Variants in STK38L observed in about 807,000 individuals in gnomAD.
STK38L encodes serine/threonine-protein kinase 38-like.
In STK38L, 28 loss-of-function variants were observed where a neutral mutation model predicts 59.7. That is an observed-to-expected ratio of 0.47 (90% confidence interval 0.35 to 0.64). The LOEUF is 0.64. Among genes scored for constraint, STK38L ranks in the 30% least tolerant of loss-of-function variants. The pLI is 0.01. For missense variants in STK38L, 314 were observed against 555.8 expected (o/e 0.56, Z 4.37); for synonymous variants, 162 against 176.8 (o/e 0.92, Z 0.66).
In STK38L at chr12:27,304,882, C is replaced by A. The variant is rs1234317518; in HGVS notation, c.186+2694C>A. Among the ~76,000 whole-genome samples the A allele has an allele frequency of 2.7e-5, 4 of 150,132 alleles. No homozygotes were observed. The South Asian group carries it at 8.5e-4, about 32-fold the overall frequency. On this transcript the variant is annotated intron_variant, in intron 3 of 13. Transcript: ENST00000389032. ...AGATATACTTTGTTTACATATTCAA[C>A]TTATATGATTTTTTTTTTGCTTCCA...
intron 1 of STK38L, among the ~76,000 whole-genome samples, chr12:27,261,927 T>C (rs1943210976): frequency 6.6e-6 from 1 of 152,240 alleles, no homozygotes; most frequent in Non-Finnish European, 1.5e-5. Flanking sequence ...ATACAGTATA[T>C]ATGGCATACA....
In STK38L at chr12:27,308,090, T is replaced by TTA. The variant is rs1266746975; in HGVS notation, c.187-246_187-245dup. 1.3e-5 allele frequency among the ~76,000 whole-genome samples: 1 copy of TTA among 77,580 alleles called. No homozygotes were observed. Among genetic ancestry groups the TTA allele is most frequent in the Non-Finnish European group, 2.5e-5 (1 of 40,336 alleles). The allele number at this position is 77,580 out of a possible 152,430, so 50.9% of individuals were successfully genotyped here. A position where few individuals can be genotyped will look rare whatever the true frequency, so the allele number is the denominator to read the frequency against. Reference sequence around the variant, plus strand: ...GTTACCATATAGATGAAAGAATAAGTTATACATATATATATATATAGACAA... The same window carrying TTA: ...GTTACCATATAGATGAAAGAATAAGTTATATACATATATATATATATAGACAA... On this transcript the variant is annotated intron_variant, in intron 3 of 13. Coordinates refer to ENST00000389032, the MANE Select transcript of STK38L (RefSeq NM_015000.4). The surrounding 1 kb of genome is among the most constrained non-coding windows in gnomAD (Gnocchi z 4.5).
In STK38L at chr12:27,325,795, ATC is replaced by A. The variant is rs1169634129; in HGVS notation, c.*3343_*3344del. The A allele has an allele frequency of 1.3e-5, 2 of 152,192 alleles. No individual in the cohort carries two copies. The highest frequency in any genetic ancestry group is 6.5e-5 in the Admixed American group (1 of 15,278). 9.4% of individuals were successfully genotyped at this position (152,192 alleles called of 1,614,324 possible). A position where few individuals can be genotyped will look rare whatever the true frequency, so the allele number is the denominator to read the frequency against. On this transcript the variant is annotated 3_prime_UTR_variant, in exon 14 of 14. Coordinates refer to ENST00000389032, the MANE Select transcript of STK38L (RefSeq NM_015000.4). ...AAAAGGAATAAAGTAATAAAAATAT[ATC>A]TCAGCTATTTTTTTAAAGCAATATA...
intron 1 of STK38L, among the ~76,000 whole-genome samples, chr12:27,269,770 G>A (rs1943380293): frequency 6.6e-6 from 1 of 152,122 alleles, no homozygotes; most frequent in Non-Finnish European, 1.5e-5. Flanking sequence ...AGCTTCCCGA[G>A]TAGCTGGGAT....
intron 1 of STK38L, among the ~76,000 whole-genome samples, chr12:27,249,325 T>C (rs1446398006): frequency 6.6e-6 from 1 of 151,928 alleles, no homozygotes; most frequent in African/African-American, 2.4e-5. Flanking sequence ...TCTACTATGC[T>C]TAGCTTTTAT....
intron 1 of STK38L, among the ~76,000 whole-genome samples, chr12:27,296,738 T>C (rs956231460): frequency 2.0e-5 from 3 of 152,230 alleles, no homozygotes; most frequent in Non-Finnish European, 4.4e-5. Flanking sequence ...CTTCTAGTCT[T>C]TTTATCCAGA....
intron 5 of STK38L, among the ~76,000 whole-genome samples, chr12:27,311,781 C>T (rs1447118951): frequency 5.4e-5 from 8 of 148,802 alleles, no homozygotes; most frequent in African/African-American, 1.9e-4. Flanking sequence ...CTTTAAAAAA[C>T]ACCAAATAAT....
chr12:27,308,324 GTTTT>G lies in STK38L; in HGVS notation c.187-9_187-6del, dbSNP rs768230650. On this transcript the variant is annotated splice_polypyrimidine_tract_variant and intron_variant, in intron 3 of 13. Transcript: ENST00000389032. The surrounding 1 kb of genome is among the most constrained non-coding windows in gnomAD (Gnocchi z 4.5). ...AATTATAAAATCATCCGTTTAAATTGTTTTTTTTTAATAGAAAAAGTTACGTCGA... is the reference window on the plus strand; with the variant it reads ...AATTATAAAATCATCCGTTTAAATTGTTTTTAATAGAAAAAGTTACGTCGA... The G allele has an allele frequency of 6.7e-7, 1 of 1,502,600 alleles. No individual in the cohort carries two copies. Among genetic ancestry groups the G allele is most frequent in the East Asian group, 2.4e-5 (1 of 41,326 alleles). 93.1% of individuals were successfully genotyped at this position (1,502,600 alleles called of 1,614,324 possible).
At chr12:27,248,678 A>AT (rs971350215) in intron 1 of STK38L, among the ~76,000 whole-genome samples, 4 of 152,146 alleles carry the variant, frequency 2.6e-5, no homozygotes, top group Admixed American at 6.5e-5. Flanking sequence ...GTGAACGAAT[A>AT]TAAGTATTCT....
At chr12:27,264,833 G>A (rs1943270428) in intron 1 of STK38L, among the ~76,000 whole-genome samples, 1 of 152,194 alleles carries the variant, frequency 6.6e-6, no homozygotes, top group African/African-American at 2.4e-5. Flanking sequence ...AAGGATGACT[G>A]TATGAGTTAT....
At position 27,322,683 on chromosome 12, in the gene STK38L, T is replaced by G. The variant is rs1944759838; in HGVS notation, c.*228T>G. The G allele has an allele frequency of 2.5e-6, 1 of 399,880 alleles. No individual in the cohort carries two copies. Among genetic ancestry groups the G allele is most frequent in the East Asian group, 4.6e-5 (1 of 21,690 alleles). The allele number at this position is 399,880 out of a possible 1,614,324, so 24.8% of individuals were successfully genotyped here. A position where few individuals can be genotyped will look rare whatever the true frequency, so the allele number is the denominator to read the frequency against. Reference sequence around the variant, plus strand: ...TATTATTTTTGTTAACTTTATTATATGAAGGTACTGGAATAAAAGGAACAG... The same window carrying G: ...TATTATTTTTGTTAACTTTATTATAGGAAGGTACTGGAATAAAAGGAACAG... On this transcript the variant is annotated 3_prime_UTR_variant, in exon 14 of 14. Coordinates refer to ENST00000389032, the MANE Select transcript of STK38L (RefSeq NM_015000.4).
Position 27,244,897 on chromosome 12 carries a change from A to T in STK38L, c.-12+565A>T, listed in dbSNP as rs1942816728. 3.3e-5 allele frequency among the ~76,000 whole-genome samples: 5 copies of T among 152,042 alleles called. No homozygotes were observed. The South Asian group carries it at 8.3e-4, about 25-fold the overall frequency. On this transcript the variant is annotated intron_variant, in intron 1 of 13. Coordinates refer to ENST00000389032, the MANE Select transcript of STK38L (RefSeq NM_015000.4). ...TCTTAGAATCTGTCTTTACCATTGC[A>T]CCCGTAGCCCCTTCCTTTCAAAATC...
intron 1 of STK38L, among the ~76,000 whole-genome samples, chr12:27,285,195 G>T (rs1008861275): frequency 6.6e-6 from 1 of 152,044 alleles, no homozygotes; most frequent in African/African-American, 2.4e-5. Flanking sequence ...ATTTCTTTCA[G>T]GGGGTGGTTT....
intron 1 of STK38L, among the ~76,000 whole-genome samples, chr12:27,274,413 G>T (rs1267427473): frequency 6.6e-6 from 1 of 152,136 alleles, no homozygotes; most frequent in Non-Finnish European, 1.5e-5. Flanking sequence ...TGCTGATATG[G>T]TTTTCAAATC....
chr12:27,306,714 A>AACACACACACAC (rs10553623), intron 3 of STK38L, among the ~76,000 whole-genome samples: 7,356 of 139,074 alleles, frequency 0.053, 269 homozygotes, highest in South Asian at 0.074. Flanking sequence ...GAATTTTATA[A>AACACACACACAC]ACACACACAC....
intron 1 of STK38L, among the ~76,000 whole-genome samples, chr12:27,261,116 C>T (rs996821626): frequency 1.3e-5 from 2 of 152,174 alleles, no homozygotes; most frequent in South Asian, 2.1e-4. Context: ...CATTTATCAT[C>T]GAATTTCTTC....
At chr12:27,258,048 G>T (rs1943126144) in intron 1 of STK38L, among the ~76,000 whole-genome samples, 1 of 151,566 alleles carries the variant, frequency 6.6e-6, no homozygotes, top group African/African-American at 2.4e-5. Flanking sequence ...TTTTAGATGG[G>T]GTTTTACCAT....
chr12:27,268,819 T>C (rs1324400856), intron 1 of STK38L, among the ~76,000 whole-genome samples: 1 of 152,182 alleles, frequency 6.6e-6, no homozygotes, highest in Non-Finnish European at 1.5e-5. Context: ...TTCTAACTGG[T>C]GTGAGATGGT....
intron 5 of STK38L, among the ~76,000 whole-genome samples, chr12:27,311,895 T>C (rs1342839442): frequency 6.6e-6 from 1 of 152,152 alleles, no homozygotes; most frequent in Non-Finnish European, 1.5e-5. Context: ...CTCTTTTTTT[T>C]TTTGAGATGG....
Sources: allele counts gnomAD v4.1 joint callset (sites outside exome capture counted in the v4.1 genomes callset), GRCh38; gene constraint gnomAD v4.1.1; non-coding constraint Gnocchi (gnomAD v3.1); transcripts MANE v1.5; gene names NCBI Gene and HGNC (gene_info 2026-07-23, HGNC 2026-07-21).